Variants in ANO2 observed in about 807,000 individuals in gnomAD.
ANO2 encodes the protein anoctamin 2, also known as anoctamin-2.
Under a neutral mutation model 124.2 loss-of-function variants are expected in ANO2, and 101 were observed. The observed-to-expected ratio is 0.81, with a 90% CI of 0.69 to 0.96. The LOEUF is 0.96. ANO2 is among the 40% of genes least tolerant of loss of function. ANO2 has a pLI of 0.00. For missense variants in ANO2, 1,293 were observed against 1,274.5 expected (o/e 1.01, Z -0.22); for synonymous variants, 486 against 482.5 (o/e 1.01, Z -0.09).
chr12:5,679,297 T>C (rs1948391988), intron 14 of ANO2, among the ~76,000 whole-genome samples: 1 of 152,166 alleles, frequency 6.6e-6, no homozygotes, highest in South Asian at 2.1e-4. Flanking sequence ...AAGATCTAAT[T>C]AAGCTAAAGA....
intron 15 of ANO2, among the ~76,000 whole-genome samples, chr12:5,639,388 C>A (rs1946214438): frequency 6.6e-6 from 1 of 152,086 alleles, no homozygotes; most frequent in African/African-American, 2.4e-5. Context: ...GTTCTAGGTT[C>A]CAGTGGAAAA....
chr12:5,625,450 G>C lies in ANO2; in HGVS notation c.1816+9702C>G, dbSNP rs914703221. On this transcript the variant is annotated intron_variant, in intron 16 of 24. Transcript: ENST00000682330. ...AGAGCCAGGATAGCACTTGGACTTT[G>C]AAGTGAGCATTTGGGTGGCTGCTGG... 2.6e-5 allele frequency among the ~76,000 whole-genome samples: 4 copies of C among 152,264 alleles called. No homozygotes were observed. In the East Asian group the frequency reaches 7.7e-4, roughly 29 times the overall value.
At chr12:5,703,744 T>C (rs1334078948) in intron 14 of ANO2, among the ~76,000 whole-genome samples, 1 of 152,122 alleles carries the variant, frequency 6.6e-6, no homozygotes, top group Non-Finnish European at 1.5e-5. Context: ...AGACAGGGTC[T>C]CCTTATGTTG....
At chr12:5,677,408 C>A (rs1177884253) in intron 14 of ANO2, among the ~76,000 whole-genome samples, 2 of 152,200 alleles carry the variant, frequency 1.3e-5, no homozygotes, top group Admixed American at 6.5e-5. Context: ...TGATGTCCTC[C>A]TTCAAGGAAA....
At chr12:5,891,359 T>C (rs1188220615) in intron 3 of ANO2, among the ~76,000 whole-genome samples, 2 of 152,034 alleles carry the variant, frequency 1.3e-5, no homozygotes, top group Admixed American at 6.6e-5. Context: ...TCCCAAGAGG[T>C]TGGAGCAAAC....
chr12:5,696,048 C>CT (rs1010035871), intron 14 of ANO2, among the ~76,000 whole-genome samples: 41 of 150,396 alleles, frequency 2.7e-4, no homozygotes, highest in African/African-American at 7.3e-4. Flanking sequence ...AGTTTACATG[C>CT]TTTTTTTTTA....
At chr12:5,752,886 T>C (rs1227698191) in intron 10 of ANO2, among the ~76,000 whole-genome samples, 1 of 152,202 alleles carries the variant, frequency 6.6e-6, no homozygotes, top group Non-Finnish European at 1.5e-5. Context: ...GTTGGGTTTT[T>C]GTATGGTATA....
chr12:5,700,480 A>T (rs1949358523), intron 14 of ANO2, among the ~76,000 whole-genome samples: 1 of 152,228 alleles, frequency 6.6e-6, no homozygotes, highest in Non-Finnish European at 1.5e-5. Context: ...TGCCCACAAG[A>T]GAAAGCAGGA....
At chr12:5,683,291 GA>G (rs1184363565) in intron 14 of ANO2, among the ~76,000 whole-genome samples, 2 of 152,108 alleles carry the variant, frequency 1.3e-5, no homozygotes, top group East Asian at 1.9e-4. Flanking sequence ...CAAGAAACAG[GA>G]AAAAGATTGA....
chr12:5,576,200 T>C (rs1276020970), intron 22 of ANO2, among the ~76,000 whole-genome samples, 185 bp from the exon 23 acceptor site: 2 of 152,188 alleles, frequency 1.3e-5, no homozygotes, highest in Non-Finnish European at 2.9e-5. Context: ...ATAAGTATAA[T>C]AAGTCCACCA....
At chr12:5,869,765 T>A (rs1955522483) in intron 3 of ANO2, among the ~76,000 whole-genome samples, 1 of 152,192 alleles carries the variant, frequency 6.6e-6, no homozygotes, top group Non-Finnish European at 1.5e-5. Context: ...GCCATGGTGC[T>A]GAGAGTGTTT....
At position 5,775,310 on chromosome 12, in the gene ANO2, A is replaced by C. The variant is rs141428672; in HGVS notation, c.1055+24197T>G. Among the ~76,000 whole-genome samples, 219 of 152,324 alleles carry C rather than the reference A, an allele frequency of 1.4e-3. 4 individuals are homozygous for C. The East Asian group carries it at 0.035, about 24-fold the overall frequency. Reference sequence around the variant, plus strand: ...AGAGAGAGAGAGAGAAAAATTCTACAAAACAAGAACAATCTCCATTGTCTC... The same window carrying C: ...AGAGAGAGAGAGAGAAAAATTCTACCAAACAAGAACAATCTCCATTGTCTC... On this transcript the variant is annotated intron_variant, in intron 10 of 24. Coordinates refer to ENST00000682330, the MANE Select transcript of ANO2 (RefSeq NM_001364791.2).
intron 10 of ANO2, among the ~76,000 whole-genome samples, chr12:5,776,546 T>C (rs1360330065): frequency 1.3e-5 from 2 of 152,186 alleles, no homozygotes; most frequent in Non-Finnish European, 2.9e-5. Context: ...TGTCAAGTAA[T>C]GGCAAGTGGA....
chr12:5,932,295 G>C (rs1201149943), intron 1 of ANO2, among the ~76,000 whole-genome samples: 2 of 151,286 alleles, frequency 1.3e-5, no homozygotes, highest in African/African-American at 4.9e-5. Flanking sequence ...GACTAATAAG[G>C]AAAGAAGGCA....
In ANO2 at chr12:5,830,459, AAAG is replaced by A. The variant is rs1485805041; in HGVS notation, c.813_815del (p.Phe272del). On this transcript the variant is annotated inframe_deletion, in exon 6 of 25. Coordinates refer to ENST00000682330, the MANE Select transcript of ANO2 (RefSeq NM_001364791.2). ...CAATGCGGCTGCGGGTGGCATTATC[AAAG>A]AAGGTGTCCTTTTCCTGGATGTTGT... 4 of 1,612,954 alleles carry A rather than the reference AAAG, an allele frequency of 2.5e-6. No individual in the cohort carries two copies. Among genetic ancestry groups the A allele is most frequent in the Non-Finnish European group, 3.4e-6 (4 of 1,179,608 alleles).
At chr12:5,897,145 GA>G (rs1939846222) in intron 3 of ANO2, among the ~76,000 whole-genome samples, 1 of 151,602 alleles carries the variant, frequency 6.6e-6, no homozygotes. Context: ...TGTAAAAAAA[GA>G]AAAAAATAAA....
intron 14 of ANO2, among the ~76,000 whole-genome samples, chr12:5,698,579 GA>G (rs960405079): frequency 6.6e-6 from 1 of 152,180 alleles, no homozygotes; most frequent in Admixed American, 6.5e-5. Flanking sequence ...GCCAGCAATG[GA>G]AAAAAGCTGG....
chr12:5,838,105 G>A (rs1347183851), intron 4 of ANO2, among the ~76,000 whole-genome samples: 1 of 152,186 alleles, frequency 6.6e-6, no homozygotes, highest in East Asian at 1.9e-4. Flanking sequence ...TCTGGCAGAC[G>A]TTCAGCTGAG....
chr12:5,718,645 T>A (rs1383363270), intron 14 of ANO2, among the ~76,000 whole-genome samples: 1 of 152,236 alleles, frequency 6.6e-6, no homozygotes, highest in African/African-American at 2.4e-5. Context: ...TAATACATAA[T>A]GTAAGCAGAG....
Sources: allele counts gnomAD v4.1 joint callset (sites outside exome capture counted in the v4.1 genomes callset), GRCh38; gene constraint gnomAD v4.1.1; transcripts MANE v1.5; gene names NCBI Gene and HGNC (gene_info 2026-07-23, HGNC 2026-07-21).